RPA1: variants seen among roughly 807,000 people sequenced by gnomAD.
RPA1 encodes replication protein A 70 kDa DNA-binding subunit.
A neutral mutation model predicts 83.0 loss-of-function variants in RPA1; 49 were observed. That is an observed-to-expected ratio of 0.59 (90% CI 0.47 to 0.75). The LOEUF (loss-of-function observed/expected upper bound fraction) is 0.75. Ranked by LOEUF, RPA1 falls within the 30% of genes least tolerant of loss-of-function variation. The probability of loss-of-function intolerance (pLI) is 0.00; values close to 1 mark genes in which losing one functional copy is unlikely to be tolerated. For synonymous variants in RPA1, 279 were observed against 281.8 expected (o/e 0.99, Z 0.10); for missense variants, 693 against 776.1 (o/e 0.89, Z 1.27).
At chr17:1,877,988 T>C (rs1013660879) in intron 8 of RPA1, among the ~76,000 whole-genome samples, 5 of 152,200 alleles carry the variant, frequency 3.3e-5, no homozygotes, top group Admixed American at 2.0e-4. Flanking sequence ...CCCAACACTT[T>C]GGGAGGCCAG....
intron 13 of RPA1, among the ~76,000 whole-genome samples, chr17:1,886,432 CCTTTGAAG>C (rs1240762769): frequency 2.0e-5 from 3 of 152,220 alleles, no homozygotes; most frequent in Non-Finnish European, 4.4e-5. Context: ...GTCAGCCTTT[CCTTTGAAG>C]CTTTGAAGCC....
chr17:1,861,315 C>A (rs1476523629), intron 5 of RPA1, among the ~76,000 whole-genome samples: 1 of 152,188 alleles, frequency 6.6e-6, no homozygotes, highest in Non-Finnish European at 1.5e-5. Context: ...CCTTGAGGCA[C>A]TGAGCTGGTG....
chr17:1,896,930 GTCAC>G (rs1914455556), intron 16 of RPA1, 137 bp from the exon 17 acceptor site: 1 of 708,846 alleles, frequency 1.4e-6, no homozygotes, highest in East Asian at 2.7e-5. Context: ...GGAGGAGGCT[GTCAC>G]TCACTGGAAT....
At chr17:1,831,432 G>A (rs192355757) in intron 1 of RPA1, among the ~76,000 whole-genome samples, 3 of 152,016 alleles carry the variant, frequency 2.0e-5, no homozygotes, top group Admixed American at 6.6e-5. Context: ...TACTGGCACC[G>A]TCTTTTTTTT....
chr17:1,835,015 C>A (rs1052954799), intron 1 of RPA1, among the ~76,000 whole-genome samples: 1 of 152,104 alleles, frequency 6.6e-6, no homozygotes, highest in Non-Finnish European at 1.5e-5. Context: ...CCACGCCCAG[C>A]TAATTTTTGT....
At chr17:1,849,650 A>C (rs971934099) in intron 4 of RPA1, among the ~76,000 whole-genome samples, 1 of 150,908 alleles carries the variant, frequency 6.6e-6, no homozygotes, top group South Asian at 2.1e-4. Flanking sequence ...CTGTATTGAC[A>C]GCGCTGTCAA....
intron 4 of RPA1, among the ~76,000 whole-genome samples, chr17:1,849,618 GTT>G (rs879833245): frequency 1.5e-5 from 2 of 136,414 alleles, no homozygotes; most frequent in African/African-American, 2.7e-5. Flanking sequence ...TTGTCATTTT[GTT>G]TTTTTTTTTT....
At chr17:1,865,555 A>G (rs549152141) in intron 5 of RPA1, among the ~76,000 whole-genome samples, 1 of 152,344 alleles carries the variant, frequency 6.6e-6, no homozygotes, top group East Asian at 1.9e-4. Context: ...ATGTAGTTAC[A>G]TGATTTAAAG....
intron 1 of RPA1, among the ~76,000 whole-genome samples, chr17:1,838,128 C>G (rs368654040): frequency 4.6e-5 from 7 of 151,034 alleles, no homozygotes; most frequent in Admixed American, 4.6e-4. Context: ...CCCGTCTCTA[C>G]TAAAAATACA....
intron 1 of RPA1, among the ~76,000 whole-genome samples, chr17:1,837,072 G>A (rs559206841): frequency 1.3e-5 from 2 of 151,850 alleles, no homozygotes; most frequent in Non-Finnish European, 2.9e-5. Flanking sequence ...TCTTGACCTC[G>A]TGATCCACCC....
intron 15 of RPA1, among the ~76,000 whole-genome samples, chr17:1,892,826 G>T (rs1914254362): frequency 6.6e-6 from 1 of 152,150 alleles, no homozygotes; most frequent in Non-Finnish European, 1.5e-5. Context: ...CACATATTAG[G>T]TTTATTTAAT....
In RPA1 at chr17:1,897,060, C is replaced by T. The variant is rs1299034333; in HGVS notation, c.1747-11C>T. ...TTTCACTGCTCACAAACTACTTCTC[C>T]CTTTTTGAAGGACGAGTCTCGAATT... On this transcript the variant is annotated splice_polypyrimidine_tract_variant and intron_variant, in intron 16 of 16. Coordinates refer to ENST00000254719, the MANE Select transcript of RPA1 (RefSeq NM_002945.5). The T allele has an allele frequency of 1.1e-5, 17 of 1,560,244 alleles. 1 individual carries two copies. The highest frequency in any genetic ancestry group is 1.2e-5 in the Non-Finnish European group (14 of 1,151,392).
intron 1 of RPA1, among the ~76,000 whole-genome samples, chr17:1,834,583 C>T (rs1911741288): frequency 6.6e-6 from 1 of 152,160 alleles, no homozygotes; most frequent in Non-Finnish European, 1.5e-5. Flanking sequence ...GGGCAAGAGT[C>T]ACATGATAAA....
chr17:1,872,607 G>T, intron 6 of RPA1, 81 bp downstream of exon 6: 1 of 1,556,320 alleles, frequency 6.4e-7, no homozygotes, highest in South Asian at 1.2e-5. Flanking sequence ...TGGGACTAAA[G>T]GGAGTTTTCC....
At chr17:1,847,258 C>G (rs564988002) in intron 4 of RPA1, among the ~76,000 whole-genome samples, 2 of 152,314 alleles carry the variant, frequency 1.3e-5, no homozygotes, top group African/African-American at 4.8e-5. Flanking sequence ...ATGTTGCCAA[C>G]CTTCTCACTT....
intron 5 of RPA1, among the ~76,000 whole-genome samples, chr17:1,853,713 T>C (rs887923765): frequency 1.6e-4 from 24 of 152,052 alleles, no homozygotes; most frequent in African/African-American, 5.6e-4. Context: ...TGGACAAAGA[T>C]TCAGTTATAC....
chr17:1,862,460 C>T (rs889936977), intron 5 of RPA1, among the ~76,000 whole-genome samples: 17 of 151,740 alleles, frequency 1.1e-4, no homozygotes, highest in African/African-American at 3.9e-4. Context: ...CACTTTGTTG[C>T]CCAGGCTGGA....
intron 6 of RPA1, among the ~76,000 whole-genome samples, chr17:1,873,201 G>A (rs1913442465): frequency 6.6e-6 from 1 of 152,178 alleles, no homozygotes; most frequent in South Asian, 2.1e-4. Flanking sequence ...GGCCTCGTGG[G>A]TGTTTATCGT....
chr17:1,853,082 T>A lies in RPA1; in HGVS notation c.273-19T>A. 1 of 1,609,958 alleles carries A rather than the reference T, an allele frequency of 6.2e-7. No individual in the cohort carries two copies. Among genetic ancestry groups the A allele is most frequent in the Non-Finnish European group, 8.5e-7 (1 of 1,176,278 alleles). ...AGAATTTGTTTTTCTAACCTGTTTC[T>A]GTTTGTCTGCTTTTGCAGGAGAGTA... On this transcript the variant is annotated intron_variant, in intron 4 of 16. Transcript: ENST00000254719.
Sources: gnomAD v4.1 joint callset for allele counts (sites outside exome capture counted in the v4.1 genomes callset) on GRCh38, gnomAD v4.1.1 for gene constraint, MANE v1.5 for transcripts, NCBI Gene and HGNC (gene_info 2026-07-23, HGNC 2026-07-21) for gene names.